The following ATRNL1 variants were observed in gnomAD, a reference collection of about 807,000 sequenced individuals.
The protein encoded by ATRNL1 is attractin-like protein 1.
A neutral mutation model predicts 182.7 loss-of-function variants in ATRNL1; 95 were observed. That is an observed-to-expected ratio of 0.52 (90% CI 0.44 to 0.62). The LOEUF is 0.62. ATRNL1 is among the 20% of genes least tolerant of loss of function. The probability of loss-of-function intolerance (pLI) is 0.00; values close to 1 mark genes in which losing one functional copy is unlikely to be tolerated. For synonymous variants in ATRNL1, 576 were observed against 568.3 expected (o/e 1.01, Z -0.19); for missense variants, 1,471 against 1,679.5 (o/e 0.88, Z 2.17).
At chr10:115,371,515 C>T (rs1592544565) in intron 19 of ATRNL1, among the ~76,000 whole-genome samples, 2 of 152,298 alleles carry the variant, frequency 1.3e-5, no homozygotes, top group South Asian at 4.1e-4. Context: ...CATTTTGGAG[C>T]TTTAAAATTT....
chr10:115,733,725 A>C (rs2532717), intron 27 of ATRNL1, among the ~76,000 whole-genome samples: 151,788 of 152,286 alleles, frequency 1, 75,652 homozygotes, highest in Middle Eastern at 1. Context: ...AGCTTATTTA[A>C]TTTTCCCCAG....
At chr10:115,094,133 G>C (rs534960579) in intron 1 of ATRNL1, 90 bp downstream of exon 1, 18 of 1,214,766 alleles carry the variant, frequency 1.5e-5, no homozygotes, top group African/African-American at 1.3e-4. Flanking sequence ...CCCCGCCCCC[G>C]TCGCTGCCTC....
intron 28 of ATRNL1, among the ~76,000 whole-genome samples, chr10:115,885,651 A>G (rs782393337): frequency 5.9e-5 from 9 of 152,212 alleles, no homozygotes; most frequent in Non-Finnish European, 1.3e-4. Context: ...TTTTTTCCGT[A>G]TATGCTTTCA....
intron 28 of ATRNL1, among the ~76,000 whole-genome samples, chr10:115,934,152 C>T (rs1430574391): frequency 6.6e-6 from 1 of 152,062 alleles, no homozygotes; most frequent in African/African-American, 2.4e-5. Flanking sequence ...GGTCTGAGGC[C>T]CTAAATAATG....
chr10:115,497,234 ACGGCCATTTTATCTATCGGCT>A (rs1484620401), intron 24 of ATRNL1, among the ~76,000 whole-genome samples: 2 of 152,048 alleles, frequency 1.3e-5, no homozygotes, highest in Admixed American at 6.6e-5. Flanking sequence ...CTTTCTTATA[ACGGCCATTTTATCTATCGGCT>A]CCTGCATTAT....
In ATRNL1 at chr10:115,731,581, T is replaced by C. The variant is rs371008879; in HGVS notation, c.3903+4226T>C. ...GGATCAAGATCTAGTTATTAATGTA[T>C]GGTATTTTTATGGAAATAGCTTTAT... On this transcript the variant is annotated intron_variant, in intron 27 of 28. Coordinates refer to ENST00000355044, the MANE Select transcript of ATRNL1 (RefSeq NM_207303.4). Among the ~76,000 whole-genome samples, 27 of 151,236 alleles carry C rather than the reference T, an allele frequency of 1.8e-4. No homozygotes were observed. In the East Asian group the frequency reaches 3.9e-3, roughly 22 times the overall value.
chr10:115,561,706 T>TGG (rs1853753602), intron 26 of ATRNL1, among the ~76,000 whole-genome samples: 1 of 112,898 alleles, frequency 8.9e-6, no homozygotes, highest in East Asian at 2.6e-4. Context: ...TGTGTGTGGG[T>TGG]GTGTGTGTGT....
intron 11 of ATRNL1, among the ~76,000 whole-genome samples, 172 bp from the exon 12 acceptor site, chr10:115,266,625 T>C (rs1554910774): frequency 6.6e-6 from 1 of 151,802 alleles, no homozygotes; most frequent in East Asian, 1.9e-4. Flanking sequence ...GTTCCTCTGG[T>C]GTTTTTATAT....
chr10:115,317,674 A>T (rs1335388796), intron 18 of ATRNL1, among the ~76,000 whole-genome samples: 2 of 152,142 alleles, frequency 1.3e-5, no homozygotes, highest in African/African-American at 4.8e-5. Context: ...ATGGGAGTTC[A>T]TTAATGATTT....
At chr10:115,897,940 T>G (rs1555112905) in intron 28 of ATRNL1, among the ~76,000 whole-genome samples, 1 of 152,132 alleles carries the variant, frequency 6.6e-6, no homozygotes, top group East Asian at 1.9e-4. Context: ...TTATTTTTTT[T>G]TTTTGAGACA....
In ATRNL1 at chr10:115,136,064, A is replaced by G. The variant is rs535343998; in HGVS notation, c.829+6529A>G. Among the ~76,000 whole-genome samples the G allele has an allele frequency of 7.3e-5, 11 of 150,878 alleles. No individual in the cohort carries two copies. The South Asian group carries it at 8.4e-4, about 11-fold the overall frequency. Reference sequence around the variant, plus strand: ...TTTTTTTTAGAGATGAGATCTTTCTATGTTGCTCAGACTGGTCTCAAACTC... The same window carrying G: ...TTTTTTTTAGAGATGAGATCTTTCTGTGTTGCTCAGACTGGTCTCAAACTC... On this transcript the variant is annotated intron_variant, in intron 5 of 28. Coordinates refer to ENST00000355044, the MANE Select transcript of ATRNL1 (RefSeq NM_207303.4).
chr10:115,413,034 C>A (rs915705383), intron 20 of ATRNL1, among the ~76,000 whole-genome samples: 6 of 152,068 alleles, frequency 3.9e-5, no homozygotes, highest in Non-Finnish European at 8.8e-5. Context: ...ACGGATATGC[C>A]AAACATTTTA....
At chr10:115,777,796 A>G (rs782163003) in intron 27 of ATRNL1, among the ~76,000 whole-genome samples, 1 of 152,202 alleles carries the variant, frequency 6.6e-6, no homozygotes, top group African/African-American at 2.4e-5. Flanking sequence ...TGGGGAAAAA[A>G]GGAACAATGC....
intron 24 of ATRNL1, among the ~76,000 whole-genome samples, chr10:115,492,748 A>G (rs1198392230): frequency 6.8e-6 from 1 of 147,494 alleles, no homozygotes; most frequent in Non-Finnish European, 1.5e-5. Context: ...GGTTCACACC[A>G]TTCTCCTGCC....
intron 27 of ATRNL1, among the ~76,000 whole-genome samples, chr10:115,816,184 C>G (rs1950160361): frequency 1.3e-5 from 2 of 152,136 alleles, no homozygotes; most frequent in African/African-American, 4.8e-5. Flanking sequence ...TGGTCAGATT[C>G]TTTGAGTCTG....
At chr10:115,230,320 T>G (rs1849871954) in intron 9 of ATRNL1, among the ~76,000 whole-genome samples, 1 of 151,684 alleles carries the variant, frequency 6.6e-6, no homozygotes, top group African/African-American at 2.4e-5. Flanking sequence ...TTAAAAAGAG[T>G]GGCCAGAGAA....
rs192976407 is a variant in ATRNL1, at chr10:115,298,744, A to G, written c.2416-1290A>G. ...CATCTTTGTTTTAGGCACTGTGCTG[A>G]TGATGGAAGATAACAATTTTTATTC... On this transcript the variant is annotated intron_variant, in intron 15 of 28. Coordinates refer to ENST00000355044, the MANE Select transcript of ATRNL1 (RefSeq NM_207303.4). 2.7e-4 allele frequency among the ~76,000 whole-genome samples: 41 copies of G among 152,240 alleles called. No individual in the cohort carries two copies. In the East Asian group the frequency reaches 7.1e-3, roughly 26 times the overall value.
intron 9 of ATRNL1, among the ~76,000 whole-genome samples, chr10:115,239,532 G>C (rs1234063737): frequency 2.0e-5 from 3 of 151,936 alleles, no homozygotes; most frequent in African/African-American, 7.2e-5. Flanking sequence ...CGCCCGGCCG[G>C]GGCTGTATTT....
At chr10:115,373,771 A>G (rs782399182) in intron 19 of ATRNL1, among the ~76,000 whole-genome samples, 1 of 151,708 alleles carries the variant, frequency 6.6e-6, no homozygotes, top group Admixed American at 6.6e-5. Flanking sequence ...AGTTTGTTTC[A>G]TAATATTTTG....
Sources: gnomAD v4.1 joint callset for allele counts (sites outside exome capture counted in the v4.1 genomes callset) on GRCh38, gnomAD v4.1.1 for gene constraint, MANE v1.5 for transcripts, NCBI Gene and HGNC (gene_info 2026-07-23, HGNC 2026-07-21) for gene names.